The following NECAB2 variants were observed in gnomAD, a reference collection of about 807,000 sequenced individuals.
The protein encoded by NECAB2 is N-terminal EF-hand calcium-binding protein 2.
NECAB2 carries 68 observed loss-of-function variants against 51.9 expected under a neutral mutation model. That is an observed-to-expected ratio of 1.31 (90% CI 1.08 to 1.60). The LOEUF (loss-of-function observed/expected upper bound fraction) is 1.60, where lower values mean the gene tolerates loss of function less well. Ranked by LOEUF, NECAB2 falls within the 40% of genes most tolerant of loss-of-function variation. The pLI, the probability that NECAB2 is intolerant of heterozygous loss-of-function variation, is 0.00. For synonymous variants in NECAB2, 329 were observed against 203.5 expected (o/e 1.62, Z -5.25); for missense variants, 854 against 490.3 (o/e 1.74, Z -7.00).
chr16:83,978,578 G>A (rs2084446472), intron 3 of NECAB2, 26 bp downstream of exon 3: 1 of 1,575,884 alleles, frequency 6.3e-7, no homozygotes, highest in Middle Eastern at 1.7e-4. Context: ...GGCTGGCAGA[G>A]TGGGGGTGTG....
At chr16:83,966,213 G>A (rs2084278654), upstream of NECAB2, 6 of 567,774 alleles carry the variant, frequency 1.1e-5, no homozygotes, top group East Asian at 5.8e-5. Flanking sequence ...GGCCAGGGTT[G>A]GCCTAGACCT....
intron 10 of NECAB2, 86 bp downstream of exon 10, chr16:83,998,403 C>T (rs60912623): frequency 4.0e-5 from 53 of 1,310,294 alleles, no homozygotes; most frequent in East Asian, 4.8e-5. Context: ...AGGCTTTGCC[C>T]TAAGTAGTAC....
intron 9 of NECAB2, 137 bp from the exon 10 acceptor site, chr16:83,998,068 C>A: frequency 1.4e-6 from 1 of 735,842 alleles, no homozygotes; most frequent in Non-Finnish European, 2.2e-6. Flanking sequence ...CATTCTTATC[C>A]ATTCATGGGT....
At chr16:83,992,519 C>G (rs1404904348) in intron 6 of NECAB2, among the ~76,000 whole-genome samples, 1 of 152,140 alleles carries the variant, frequency 6.6e-6, no homozygotes, top group Non-Finnish European at 1.5e-5. Context: ...TGTCGGCACC[C>G]AAGCTCGATT....
chr16:83,986,433 G>C (rs1007854238), intron 5 of NECAB2, among the ~76,000 whole-genome samples: 1 of 152,224 alleles, frequency 6.6e-6, no homozygotes, highest in African/African-American at 2.4e-5. Context: ...AAATCAGTTG[G>C]TGAATAAATG....
rs2084658850 is a variant in NECAB2, at chr16:83,993,919, C to G, written c.597-383C>G. Among the ~76,000 whole-genome samples the G allele has an allele frequency of 3.3e-5, 5 of 152,266 alleles. No individual in the cohort carries two copies. In the South Asian group the frequency reaches 1.0e-3, roughly 32 times the overall value. Reference sequence around the variant, plus strand: ...GGCACCAAACATTAAATGGGCCTATCATGAGGGAGGGAGGGGGACTTGGTC... The same window carrying G: ...GGCACCAAACATTAAATGGGCCTATGATGAGGGAGGGAGGGGGACTTGGTC... On this transcript the variant is annotated intron_variant, in intron 6 of 12. Transcript: ENST00000305202.
rs1048326474 is a variant in NECAB2, at chr16:83,987,133, A to C, written c.460-3361A>C. Among the ~76,000 whole-genome samples the C allele has an allele frequency of 1.3e-5, 2 of 152,254 alleles. 1 individual carries two copies. Among genetic ancestry groups the C allele is most frequent in the Admixed American group, 1.3e-4 (2 of 15,284 alleles). ...ATAAATAAATGTTGGAAAACAAAACAAAGTAGCTCCTGAATAAGGAAAGAC... is the reference window on the plus strand; with the variant it reads ...ATAAATAAATGTTGGAAAACAAAACCAAGTAGCTCCTGAATAAGGAAAGAC... On this transcript the variant is annotated intron_variant, in intron 5 of 12. Transcript: ENST00000305202.
At chr16:83,998,135 G>C in intron 9 of NECAB2, 70 bp from the exon 10 acceptor site, 1 of 1,380,204 alleles carries the variant, frequency 7.2e-7, no homozygotes, top group South Asian at 1.2e-5. Context: ...GAGGTCATGG[G>C]GGCCTGATGG....
At chr16:83,989,397 T>G (rs183529397) in intron 5 of NECAB2, among the ~76,000 whole-genome samples, 56 of 152,314 alleles carry the variant, frequency 3.7e-4, no homozygotes, top group African/African-American at 1.3e-3. Context: ...TCCTCCTCTG[T>G]TTCTCAGTCT....
intron 5 of NECAB2, among the ~76,000 whole-genome samples, chr16:83,984,216 C>T (rs1317934411): frequency 6.6e-6 from 1 of 151,672 alleles, no homozygotes; most frequent in Non-Finnish European, 1.5e-5. Flanking sequence ...AGGATGGTCT[C>T]CATCTCCTGA....
chr16:83,978,334 G>A (rs527799762), intron 2 of NECAB2, 110 bp from the exon 3 acceptor site: 2 of 789,836 alleles, frequency 2.5e-6, no homozygotes, highest in Admixed American at 4.5e-5. Context: ...CTGAGCTGCA[G>A]TTGTTCTGTC....
chr16:84,002,726 C>T lies in NECAB2; in HGVS notation c.*380C>T, dbSNP rs2084864256. ...CATGCCCCTGTAGTGCCCAACCTAG[C>T]CAGGTAGCCACCACTGTGCCCAGGC... On this transcript the variant is annotated 3_prime_UTR_variant, in exon 13 of 13. Transcript: ENST00000305202. The T allele has an allele frequency of 4.3e-6, 1 of 234,064 alleles. No homozygotes were observed. The highest frequency in any genetic ancestry group is 9.2e-5 in the East Asian group (1 of 10,830). The allele number at this position is 234,064 out of a possible 1,614,324, so 14.5% of individuals were successfully genotyped here. A position where few individuals can be genotyped will look rare whatever the true frequency, so the allele number is the denominator to read the frequency against.
At chr16:83,978,992 C>G (rs2084451527) in intron 3 of NECAB2, among the ~76,000 whole-genome samples, 2 of 152,148 alleles carry the variant, frequency 1.3e-5, no homozygotes, top group East Asian at 1.9e-4. Context: ...AATCCTAACT[C>G]AACACTACGT....
intron 5 of NECAB2, among the ~76,000 whole-genome samples, chr16:83,983,032 G>C (rs752741166): frequency 6.6e-6 from 1 of 151,628 alleles, no homozygotes; most frequent in Non-Finnish European, 1.5e-5. Flanking sequence ...CCACTCCTGG[G>C]TAATTTTTGT....
At chr16:83,994,108 G>C (rs955447298) in intron 6 of NECAB2, among the ~76,000 whole-genome samples, 194 bp from the exon 7 acceptor site, 1 of 152,222 alleles carries the variant, frequency 6.6e-6, no homozygotes, top group African/African-American at 2.4e-5. Flanking sequence ...TGCCCAGCTA[G>C]CTGCGTGGCC....
intron 8 of NECAB2, among the ~76,000 whole-genome samples, 163 bp from the exon 9 acceptor site, chr16:83,997,053 C>A (rs925963168): frequency 6.6e-6 from 1 of 152,068 alleles, no homozygotes; most frequent in Non-Finnish European, 1.5e-5. Context: ...CCCCTGTAGG[C>A]CAGAGGGAGT....
chr16:83,970,707 C>T lies in NECAB2; in HGVS notation c.202-1444C>T, dbSNP rs559287357. On this transcript the variant is annotated intron_variant, in intron 1 of 12. Coordinates refer to ENST00000305202, the MANE Select transcript of NECAB2 (RefSeq NM_019065.3). ...TCGGGAAATGTGTACATGTTGCTGC[C>T]TCTCCCTGGGTCTCAGTACCCTCCT... 7.9e-5 allele frequency among the ~76,000 whole-genome samples: 12 copies of T among 152,286 alleles called. No individual in the cohort carries two copies. The South Asian group carries it at 2.5e-3, about 32-fold the overall frequency.
intron 10 of NECAB2, 76 bp downstream of exon 10, chr16:83,998,393 A>T: frequency 7.1e-7 from 1 of 1,408,184 alleles, no homozygotes. Flanking sequence ...GGGCAGGACT[A>T]GGCTTTGCCC....
intron 8 of NECAB2, among the ~76,000 whole-genome samples, chr16:83,996,239 C>A (rs77090241): frequency 0.056 from 8,495 of 152,286 alleles, 289 homozygotes; most frequent in Middle Eastern, 0.11. Context: ...CTCACGTATG[C>A]TTGTAAAACC....
Sources: allele counts gnomAD v4.1 joint callset (sites outside exome capture counted in the v4.1 genomes callset), GRCh38; gene constraint gnomAD v4.1.1; transcripts MANE v1.5; gene names NCBI Gene and HGNC (gene_info 2026-07-23, HGNC 2026-07-21).